Variants in ROBO2 observed in about 807,000 individuals in gnomAD.
The protein encoded by ROBO2 is roundabout homolog 2.
Under a neutral mutation model 160.8 loss-of-function variants are expected in ROBO2, and 53 were observed. The observed-to-expected ratio is 0.33, with a 90% confidence interval of 0.26 to 0.41. ROBO2 has a LOEUF of 0.41. ROBO2 is among the 10% of genes least tolerant of loss of function. The probability of loss-of-function intolerance (pLI) is 1.00; values close to 1 mark genes in which losing one functional copy is unlikely to be tolerated. For missense variants in ROBO2, 1,577 were observed against 1,722.4 expected, an observed-to-expected ratio of 0.92 and a Z score of 1.49; for synonymous variants, 664 against 611.7, an observed-to-expected ratio of 1.09 and a Z score of -1.26.
intron 2 of ROBO2, among the ~76,000 whole-genome samples, chr3:76,751,738 T>G (rs1468944049): frequency 6.6e-6 from 1 of 151,944 alleles, no homozygotes; most frequent in Non-Finnish European, 1.5e-5. Context: ...AAAACCACAA[T>G]GAGATACCAT....
intron 2 of ROBO2, among the ~76,000 whole-genome samples, chr3:76,943,641 A>C (rs1285563802): frequency 6.6e-6 from 1 of 152,244 alleles, no homozygotes; most frequent in Non-Finnish European, 1.5e-5. Flanking sequence ...ACACGTATTC[A>C]TAGTTAAGTA....
chr3:77,138,464 A>G (rs1049526354), intron 2 of ROBO2, among the ~76,000 whole-genome samples: 1 of 152,212 alleles, frequency 6.6e-6, no homozygotes, highest in Non-Finnish European at 1.5e-5. Context: ...CTTTCAAGTG[A>G]AAAATGCAGC....
intron 2 of ROBO2, among the ~76,000 whole-genome samples, chr3:76,677,935 C>T (rs1400961951): frequency 8.7e-6 from 1 of 115,166 alleles, no homozygotes; most frequent in African/African-American, 3.3e-5. Context: ...GATCTATTTT[C>T]TCTCACAGAG....
intron 2 of ROBO2, among the ~76,000 whole-genome samples, chr3:77,293,027 A>T (rs1287622390): frequency 6.6e-6 from 1 of 150,902 alleles, no homozygotes; most frequent in Non-Finnish European, 1.5e-5. Flanking sequence ...CACCAAAGAC[A>T]TAAAGTAAAA....
At chr3:76,952,125 A>G (rs2078993541) in intron 2 of ROBO2, among the ~76,000 whole-genome samples, 1 of 152,182 alleles carries the variant, frequency 6.6e-6, no homozygotes, top group Non-Finnish European at 1.5e-5. Context: ...CCCATCCCAT[A>G]GTAGATATAT....
At chr3:76,740,373 A>G (rs1442761771) in intron 2 of ROBO2, among the ~76,000 whole-genome samples, 1 of 152,150 alleles carries the variant, frequency 6.6e-6, no homozygotes, top group Non-Finnish European at 1.5e-5. Flanking sequence ...TCTGGCCTAG[A>G]TATTCTGTGT....
At chr3:77,319,771 A>G (rs1478541307) in intron 2 of ROBO2, among the ~76,000 whole-genome samples, 1 of 152,196 alleles carries the variant, frequency 6.6e-6, no homozygotes, top group Non-Finnish European at 1.5e-5. Context: ...TATGAAACAG[A>G]TTTTAATGGA....
chr3:76,088,608 C>A (rs1011618199), intron 2 of ROBO2, among the ~76,000 whole-genome samples: 6 of 151,916 alleles, frequency 3.9e-5, no homozygotes, highest in African/African-American at 2.4e-5. Context: ...TAACACATTT[C>A]TAAATTACCC....
intron 2 of ROBO2, among the ~76,000 whole-genome samples, chr3:76,319,474 C>T (rs1262520422): frequency 2.0e-5 from 3 of 151,712 alleles, no homozygotes; most frequent in Non-Finnish European, 2.9e-5. Flanking sequence ...TATTCCTTTC[C>T]CTTTAGCTGG....
chr3:76,406,563 G>T (rs2078135948), intron 2 of ROBO2, among the ~76,000 whole-genome samples: 1 of 151,818 alleles, frequency 6.6e-6, no homozygotes, highest in Non-Finnish European at 1.5e-5. Flanking sequence ...AGGTGATCCA[G>T]TTATCTCATT....
intron 2 of ROBO2, among the ~76,000 whole-genome samples, chr3:77,255,235 C>G (rs563049075): frequency 9.2e-5 from 14 of 152,182 alleles, no homozygotes; most frequent in East Asian, 1.9e-4. Flanking sequence ...GTTGAGCAAG[C>G]CTTTCTTAAA....
chr3:76,976,726 T>C (rs975358918), intron 2 of ROBO2, among the ~76,000 whole-genome samples: 9 of 152,202 alleles, frequency 5.9e-5, no homozygotes, highest in Non-Finnish European at 1.5e-5. Flanking sequence ...ACATAGTTAA[T>C]GTTTTAGAAT....
intron 2 of ROBO2, among the ~76,000 whole-genome samples, chr3:76,181,934 T>C (rs1381194422): frequency 1.3e-5 from 2 of 152,174 alleles, no homozygotes; most frequent in African/African-American, 4.8e-5. Flanking sequence ...GTCATGAAGA[T>C]GTTTGATTCA....
chr3:76,928,445 T>G (rs944524410), intron 2 of ROBO2, among the ~76,000 whole-genome samples: 1 of 142,010 alleles, frequency 7.0e-6, no homozygotes, highest in Admixed American at 7.0e-5. Flanking sequence ...CTACTAAGTT[T>G]ATGATAATTT....
intron 2 of ROBO2, among the ~76,000 whole-genome samples, chr3:76,698,129 T>TGGAAGAATTGGATGTAGA (rs1460895738): frequency 7.2e-5 from 11 of 152,108 alleles, no homozygotes; most frequent in East Asian, 3.9e-4. Context: ...ATTCACTGGT[T>TGGAAGAATTGGATGTAGA]AGGCTTTTTC....
chr3:75,932,274 T>C (rs1947578041), intron 1 of ROBO2, among the ~76,000 whole-genome samples: 1 of 152,216 alleles, frequency 6.6e-6, no homozygotes, highest in Non-Finnish European at 1.5e-5. Context: ...CTCTTAGTTA[T>C]ATTCATTTAA....
At chr3:76,373,560 G>C (rs2108497963) in intron 2 of ROBO2, among the ~76,000 whole-genome samples, 1 of 152,046 alleles carries the variant, frequency 6.6e-6, no homozygotes, top group African/African-American at 2.4e-5. Flanking sequence ...TTGCTTAAAT[G>C]TGTCTCCCAA....
chr3:76,205,111 C>T (rs1244725547), intron 2 of ROBO2, among the ~76,000 whole-genome samples: 1 of 152,146 alleles, frequency 6.6e-6, no homozygotes, highest in African/African-American at 2.4e-5. Context: ...TCTCTACTTA[C>T]CAACTCATGA....
intron 2 of ROBO2, among the ~76,000 whole-genome samples, chr3:76,452,509 A>C (rs2077527960): frequency 1.3e-5 from 2 of 152,148 alleles, no homozygotes; most frequent in Admixed American, 6.5e-5. Context: ...TGAACTCATC[A>C]TTTTATACGG....
Sources: allele counts gnomAD v4.1 joint callset (sites outside exome capture counted in the v4.1 genomes callset), GRCh38; gene constraint gnomAD v4.1.1; transcripts MANE v1.5; gene names NCBI Gene and HGNC (gene_info 2026-07-23, HGNC 2026-07-21).